Variants in CNTLN observed in about 807,000 individuals in gnomAD.
The protein encoded by CNTLN is centlein, centrosomal protein.
In CNTLN, 212 loss-of-function variants were observed where a neutral mutation model predicts 180.0. The observed-to-expected ratio is 1.18, with a 90% CI of 1.05 to 1.32. The LOEUF is 1.32. Ranked by LOEUF, CNTLN falls within the 40% of genes most tolerant of loss-of-function variation. The pLI, the probability that CNTLN is intolerant of heterozygous loss-of-function variation, is 0.00. For missense variants in CNTLN, 2,095 were observed against 1,610.9 expected (o/e 1.30, Z -5.14); for synonymous variants, 722 against 563.1 (o/e 1.28, Z -3.99).
At chr9:17,274,647 G>C (rs1828194065) in intron 6 of CNTLN, among the ~76,000 whole-genome samples, 1 of 152,042 alleles carries the variant, frequency 6.6e-6, no homozygotes, top group East Asian at 1.9e-4. Flanking sequence ...ATATAATAGA[G>C]TTTGATTGTA....
At chr9:17,391,198 C>A (rs1360867503) in intron 14 of CNTLN, among the ~76,000 whole-genome samples, 1 of 152,092 alleles carries the variant, frequency 6.6e-6, no homozygotes, top group East Asian at 1.9e-4. Context: ...CCAAGCAAGG[C>A]CTGTCTGCTC....
Position 17,153,135 on chromosome 9 carries a change from T to C in CNTLN, c.449+9759T>C, listed in dbSNP as rs139392680. Among the ~76,000 whole-genome samples the C allele has an allele frequency of 2.8e-3, 432 of 152,326 alleles. 1 individual carries two copies. The highest frequency in any genetic ancestry group is 5.0e-3 in the Non-Finnish European group (342 of 68,028). On this transcript the variant is annotated intron_variant, in intron 2 of 25. Coordinates refer to ENST00000380647, the MANE Select transcript of CNTLN (RefSeq NM_017738.4). ...CAATTTGGCAGTCTGTGTCTTTTAA[T>C]TGGGGCACTTAGCCCGTTTACATTT...
intron 12 of CNTLN, among the ~76,000 whole-genome samples, chr9:17,359,740 A>ACAAAACAAAAAACAAAAACAAAC (rs1564027352): frequency 2.4e-5 from 3 of 123,230 alleles, no homozygotes; most frequent in Non-Finnish European, 5.2e-5. Flanking sequence ...AAAAAAAAAA[A>ACAAAACAAAAAACAAAAACAAAC]AAAAAAAAAA....
intron 2 of CNTLN, among the ~76,000 whole-genome samples, chr9:17,170,692 G>A (rs571711336): frequency 6.6e-6 from 1 of 150,802 alleles, no homozygotes; most frequent in East Asian, 2.0e-4. Flanking sequence ...TTTTGTTCAT[G>A]TATTGTTTTC....
chr9:17,321,512 T>C (rs1248821861), intron 8 of CNTLN, among the ~76,000 whole-genome samples: 1 of 152,054 alleles, frequency 6.6e-6, no homozygotes, highest in Non-Finnish European at 1.5e-5. Flanking sequence ...GACATAACAA[T>C]TGTAGGAAGT....
intron 13 of CNTLN, among the ~76,000 whole-genome samples, chr9:17,371,442 C>T (rs1824308439): frequency 6.6e-6 from 1 of 151,996 alleles, no homozygotes; most frequent in Non-Finnish European, 1.5e-5. Flanking sequence ...TATATTCACC[C>T]AACACGCTAG....
chr9:17,430,855 T>A (rs1359907427), intron 18 of CNTLN, among the ~76,000 whole-genome samples: 1 of 152,124 alleles, frequency 6.6e-6, no homozygotes. Context: ...CCTCAGTTAC[T>A]CCCATCTTAT....
chr9:17,301,852 A>G, intron 7 of CNTLN: 4 of 974,806 alleles, frequency 4.1e-6, no homozygotes, highest in Non-Finnish European at 4.9e-6. Context: ...CATTTTGAAT[A>G]TTTCACTTTT....
intron 7 of CNTLN, among the ~76,000 whole-genome samples, chr9:17,306,508 G>A (rs894107003): frequency 3.9e-5 from 6 of 152,114 alleles, no homozygotes; most frequent in South Asian, 2.1e-4. Context: ...TTAAGATAGA[G>A]CCTTCTTCCA....
intron 16 of CNTLN, among the ~76,000 whole-genome samples, chr9:17,410,780 A>C (rs1827785356): frequency 6.6e-6 from 1 of 152,120 alleles, no homozygotes; most frequent in Non-Finnish European, 1.5e-5. Flanking sequence ...TTTGTCATTA[A>C]CTTTTTCCTT....
intron 6 of CNTLN, among the ~76,000 whole-genome samples, chr9:17,295,969 T>TGAGAGAGAGAGAGAGA (rs113148833): frequency 1.3e-4 from 15 of 119,870 alleles, no homozygotes; most frequent in African/African-American, 4.9e-4. Context: ...TACTCTTCAG[T>TGAGAGAGAGAGAGAGA]GAGAGAGAGA....
chr9:17,494,323 T>G (rs139457223), intron 25 of CNTLN, among the ~76,000 whole-genome samples: 224 of 152,286 alleles, frequency 1.5e-3, no homozygotes, highest in African/African-American at 5.0e-3. Context: ...GACCACACTA[T>G]ACAATGGTGT....
At chr9:17,295,898 T>C (rs1817869978) in intron 6 of CNTLN, among the ~76,000 whole-genome samples, 7 of 151,502 alleles carry the variant, frequency 4.6e-5, no homozygotes, top group Admixed American at 4.6e-4. Flanking sequence ...TAGAGAAAAA[T>C]GTGCTTTTTC....
rs573874969 is a variant in CNTLN, at chr9:17,298,274, G to T, written c.1068G>T (p.Gln356His). The change falls in exon 7 of 26, where the codon CAG becomes CAT. Residue 356 changes from glutamine to histidine, a missense_variant. Coordinates refer to ENST00000380647, the MANE Select transcript of CNTLN (RefSeq NM_017738.4). ...AAGCAGAGCTGATCCAGCAGCTTCA[G>T]GTTCTCAATATGGACACACAAAAAG... ...AQQAELIQQL[Q>H]VLNMDTQKVL... 1 of 1,613,548 alleles carries T rather than the reference G, an allele frequency of 6.2e-7. No homozygotes were observed. Among genetic ancestry groups the T allele is most frequent in the Non-Finnish European group, 8.5e-7 (1 of 1,179,806 alleles).
rs557938416 is a variant in CNTLN, at chr9:17,137,086, C to T, written c.360+1661C>T. ...ATGAACCTCTTCCCACAAATACTTA[C>T]ATTCTTTAAAAATGTGGCTCCAAAC... On this transcript the variant is annotated intron_variant, in intron 1 of 25. Transcript: ENST00000380647. 6.6e-5 allele frequency among the ~76,000 whole-genome samples: 10 copies of T among 152,282 alleles called. No individual in the cohort carries two copies. In the South Asian group the frequency reaches 2.1e-3, roughly 32 times the overall value.
At chr9:17,390,251 T>TTTTTTTTG (rs1485604712) in intron 14 of CNTLN, among the ~76,000 whole-genome samples, 1 of 143,098 alleles carries the variant, frequency 7.0e-6, no homozygotes, top group African/African-American at 2.6e-5. Context: ...TTTTTTTTTT[T>TTTTTTTTG]TTTTTGGAGA....
In CNTLN at chr9:17,449,056, C is replaced by G. The variant is rs572400800; in HGVS notation, c.3115-8468C>G. Among the ~76,000 whole-genome samples the G allele has an allele frequency of 2.0e-5, 3 of 152,232 alleles. No individual in the cohort carries two copies. In the East Asian group the frequency reaches 5.8e-4, roughly 29 times the overall value. On this transcript the variant is annotated intron_variant, in intron 18 of 25. Transcript: ENST00000380647. ...ACCTCATAGTCATTAGTAAGCATGT[C>G]ATATGTAAGTCTCGTGTTTAGGAGG...
At chr9:17,374,156 C>A (rs1824559120) in intron 13 of CNTLN, among the ~76,000 whole-genome samples, 1 of 152,018 alleles carries the variant, frequency 6.6e-6, no homozygotes, top group African/African-American at 2.4e-5. Context: ...AGCAAGGGAA[C>A]AATCAACAAA....
chr9:17,416,054 A>G lies in CNTLN; in HGVS notation c.2979A>G (p.Gln993=), dbSNP rs754861223. 6.2e-7 allele frequency: 1 copy of G among 1,613,724 alleles called. No homozygotes were observed. The highest frequency in any genetic ancestry group is 8.5e-7 in the Non-Finnish European group (1 of 1,179,756). The change falls in exon 18 of 26, where the codon CAA becomes CAG. Residue 993 remains glutamine (Q), a synonymous_variant. Transcript: ENST00000380647. ...LLRERIISLQ[Q]QNSVLQNAKK... ...GAGAACGGATTATATCCTTGCAACA[A>G]CAAAACAGTGTACTTCAGAATGCCA... is the stretch of plus-strand genomic sequence containing the variant.
Sources: allele counts gnomAD v4.1 joint callset (sites outside exome capture counted in the v4.1 genomes callset), GRCh38; gene constraint gnomAD v4.1.1; transcripts MANE v1.5; gene names NCBI Gene and HGNC (gene_info 2026-07-23, HGNC 2026-07-21).